NTMT1: variants seen among roughly 807,000 people sequenced by gnomAD.
NTMT1 encodes the protein N-terminal RCC1 methyltransferase.
A neutral mutation model predicts 17.5 loss-of-function variants in NTMT1; 8 were observed. That is an observed-to-expected ratio of 0.46 (90% confidence interval 0.27 to 0.82). The LOEUF (loss-of-function observed/expected upper bound fraction) is 0.82. Ranked by LOEUF, NTMT1 falls within the 40% of genes least tolerant of loss-of-function variation. NTMT1 has a pLI of 0.15. For missense variants in NTMT1, 221 were observed against 303.5 expected (o/e 0.73, Z 2.02); for synonymous variants, 128 against 126.8 (o/e 1.01, Z -0.06).
intron 1 of NTMT1, among the ~76,000 whole-genome samples, chr9:129,609,700 G>A (rs896222796): frequency 1.6e-4 from 25 of 152,128 alleles, no homozygotes; most frequent in African/African-American, 5.8e-4. Context: ...GAAGAGCTGG[G>A]GTTGGGTCCA....
At chr9:129,611,109 A>C (rs966369102) in intron 1 of NTMT1, among the ~76,000 whole-genome samples, 1 of 152,082 alleles carries the variant, frequency 6.6e-6, no homozygotes, top group Non-Finnish European at 1.5e-5. Context: ...GGCGTCCCCC[A>C]TCCACAACCC....
rs1200056287 is a variant in NTMT1, at chr9:129,632,874, G to A, written c.162+9G>A. 1.2e-6 allele frequency: 2 copies of A among 1,613,164 alleles called. No individual in the cohort carries two copies. Among genetic ancestry groups the A allele is most frequent in the Non-Finnish European group, 1.7e-6 (2 of 1,179,604 alleles). On this transcript the variant is annotated intron_variant, in intron 2 of 3. Transcript: ENST00000372483. The stretch of plus-strand genomic sequence containing the variant: ...TGCAGAGGTTTTTGAGGGTAGGCAG[G>A]TCTGGCGTGCTCTCCAGGAGAGGCT...
intron 1 of NTMT1, among the ~76,000 whole-genome samples, chr9:129,629,478 C>G (rs113823835): frequency 0.042 from 6,417 of 152,120 alleles, 171 homozygotes; most frequent in South Asian, 0.093. Context: ...GCAGCCTTGA[C>G]CTCCCAGGCT....
At chr9:129,616,897 C>T (rs567856618) in intron 1 of NTMT1, among the ~76,000 whole-genome samples, 1 of 152,128 alleles carries the variant, frequency 6.6e-6, no homozygotes, top group South Asian at 2.1e-4. Context: ...ATGGTGAAAC[C>T]CCCGTCTCTA....
At chr9:129,615,144 C>G (rs1049175109) in intron 1 of NTMT1, among the ~76,000 whole-genome samples, 1 of 152,216 alleles carries the variant, frequency 6.6e-6, no homozygotes, top group Non-Finnish European at 1.5e-5. Context: ...CCCCTGTAGG[C>G]TGTGGGGACT....
chr9:129,618,537 G>A (rs1434435600), intron 1 of NTMT1, among the ~76,000 whole-genome samples: 3 of 152,086 alleles, frequency 2.0e-5, no homozygotes, highest in East Asian at 3.9e-4. Flanking sequence ...ATGTAGATGG[G>A]TATGTAGGTT....
At chr9:129,615,435 C>T (rs375237794) in intron 1 of NTMT1, 2 of 1,512,090 alleles carry the variant, frequency 1.3e-6, no homozygotes, top group African/African-American at 2.8e-5. Context: ...CTCTGCCCTC[C>T]TGGCTAGAAC....
chr9:129,615,195 G>A (rs1001261290), intron 1 of NTMT1, among the ~76,000 whole-genome samples: 13 of 152,196 alleles, frequency 8.5e-5, no homozygotes, highest in African/African-American at 3.1e-4. Flanking sequence ...CTCCGGCTAC[G>A]GGTCTCAAGG....
At chr9:129,629,866 G>A (rs559766587) in intron 1 of NTMT1, among the ~76,000 whole-genome samples, 3 of 152,318 alleles carry the variant, frequency 2.0e-5, no homozygotes, top group Admixed American at 1.3e-4. Flanking sequence ...TTGGGAGGCT[G>A]AGCAGGGAGG....
In NTMT1 at chr9:129,620,061, C is replaced by G. The variant is rs111423646; in HGVS notation, c.-55+10883C>G. On this transcript the variant is annotated intron_variant, in intron 1 of 3. Coordinates refer to the NTMT1 transcript ENST00000372486. The surrounding 1 kb of genome is among the most constrained non-coding windows in gnomAD (Gnocchi z 5.8). The stretch of plus-strand genomic sequence containing the variant: ...GGCCCGCCCCCCGGGCCCCGCGGGG[C>G]CTCACTCAGTGGCTCCGGCTCCTCG... 27 of 1,453,824 alleles carry G rather than the reference C, an allele frequency of 1.9e-5. 1 individual carries two copies. In the African/African-American group the frequency reaches 3.1e-4, roughly 17 times the overall value. The allele number at this position is 1,453,824 out of a possible 1,614,324, so 90.1% of individuals were successfully genotyped here. A position where few individuals can be genotyped will look rare whatever the true frequency, so the allele number is the denominator to read the frequency against.
intron 1 of NTMT1, among the ~76,000 whole-genome samples, chr9:129,616,545 T>C (rs1357963451): frequency 6.6e-6 from 1 of 152,134 alleles, no homozygotes; most frequent in Non-Finnish European, 1.5e-5. Context: ...TGTAACTGTC[T>C]ATCTCAATCA....
chr9:129,617,431 G>A (rs377451327), intron 1 of NTMT1, among the ~76,000 whole-genome samples: 3 of 152,146 alleles, frequency 2.0e-5, no homozygotes, highest in African/African-American at 7.2e-5. Context: ...TTCACTCGAG[G>A]GCCACTGGAG....
chr9:129,623,560 T>C (rs575006932), upstream of NTMT1, among the ~76,000 whole-genome samples: 1 of 152,242 alleles, frequency 6.6e-6, no homozygotes, highest in South Asian at 2.1e-4. Context: ...AGTATTTCAC[T>C]GGCGTGGCAT....
intron 1 of NTMT1, among the ~76,000 whole-genome samples, chr9:129,618,633 G>A (rs1314201416): frequency 6.6e-6 from 1 of 152,088 alleles, no homozygotes; most frequent in Non-Finnish European, 1.5e-5. Flanking sequence ...GTTGGTCATT[G>A]GATCAATGGA....
chr9:129,613,616 G>C lies in NTMT1; in HGVS notation c.-55+4438G>C. On this transcript the variant is annotated intron_variant, in intron 1 of 3. Coordinates refer to the NTMT1 transcript ENST00000372486. This position sits in a 1 kb window ranked among gnomAD's most constrained non-coding sequence, Gnocchi z 6.2. ...TGTTGGACTGCAGGAAAGAGGGCAG[G>C]GTGAGATCTCTGCCCAGGAGGAGGG... 2 of 1,613,784 alleles carry C rather than the reference G, an allele frequency of 1.2e-6. No individual in the cohort carries two copies. Among genetic ancestry groups the C allele is most frequent in the Non-Finnish European group, 8.5e-7 (1 of 1,179,884 alleles).
At chr9:129,633,526 G>A (rs1831312857) in intron 2 of NTMT1, 1 of 156,192 alleles carries the variant, frequency 6.4e-6, no homozygotes, top group Non-Finnish European at 1.4e-5. Flanking sequence ...ATTTAGAAAT[G>A]TGTGGCCCAG....
At chr9:129,612,547 G>A in intron 1 of NTMT1, 2 of 922,364 alleles carry the variant, frequency 2.2e-6, no homozygotes, top group East Asian at 2.6e-5. Flanking sequence ...GCCCTGTTGG[G>A]CAGGTAGTGC....
intron 1 of NTMT1, among the ~76,000 whole-genome samples, chr9:129,616,596 A>G (rs746581607): frequency 4.6e-5 from 7 of 152,086 alleles, no homozygotes; most frequent in Non-Finnish European, 7.4e-5. Context: ...GACTGTCTCC[A>G]AGTCTCCATT....
rs1831440421 is a variant in NTMT1 at position 129,634,966 on chromosome 9, C to A, written c.416-242C>A. The A allele has an allele frequency of 7.4e-6, 4 of 537,706 alleles. No individual in the cohort carries two copies. In the South Asian group the frequency reaches 9.3e-5, roughly 12 times the overall value. The allele number at this position is 537,706 out of a possible 1,614,324, so 33.3% of individuals were successfully genotyped here. ...GTAGGTATCAGGCAGGACTTGTAAG[C>A]CATCCCGTCAAGTCAAATTCTGGCT... On this transcript the variant is annotated intron_variant, in intron 3 of 3. Transcript: ENST00000372483.
Sources: gnomAD v4.1 joint callset for allele counts (sites outside exome capture counted in the v4.1 genomes callset) on GRCh38, gnomAD v4.1.1 for gene constraint, Gnocchi (gnomAD v3.1) non-coding constraint, MANE v1.5 for transcripts, NCBI Gene and HGNC (gene_info 2026-07-23, HGNC 2026-07-21) for gene names.